SULF1: variants seen among roughly 807,000 people sequenced by gnomAD.
The protein encoded by SULF1 is extracellular sulfatase Sulf-1.
A neutral mutation model predicts 110.5 loss-of-function variants in SULF1; 46 were observed. The ratio of observed to expected loss-of-function variants is 0.42; its 90% CI spans 0.33 to 0.53. The LOEUF is 0.53. SULF1 is among the 20% of genes least tolerant of loss of function. The probability of loss-of-function intolerance (pLI) is 0.12; values close to 1 mark genes in which losing one functional copy is unlikely to be tolerated. For missense variants in SULF1, 941 were observed against 1,094.2 expected (o/e 0.86, Z 1.98); for synonymous variants, 371 against 387.1 (o/e 0.96, Z 0.49).
upstream of SULF1, among the ~76,000 whole-genome samples, chr8:69,488,233 C>T (rs534805259): frequency 1.3e-5 from 2 of 152,226 alleles, no homozygotes; most frequent in African/African-American, 2.4e-5. Context: ...AAAAAAGATC[C>T]GTCTATTACA....
intron 13 of SULF1, among the ~76,000 whole-genome samples, chr8:69,613,162 G>T (rs1018298335): frequency 1.3e-5 from 2 of 151,934 alleles, no homozygotes; most frequent in African/African-American, 4.8e-5. Context: ...ATCAGTTGGT[G>T]GTAAGTATTT....
Position 69,603,660 on chromosome 8 carries a change from ATTAT to A in SULF1, c.1247+6_1247+9del, listed in dbSNP as rs758398918. On this transcript the variant is annotated splice_donor_5th_base_variant and intron_variant, in intron 12 of 22. Coordinates refer to ENST00000402687, the MANE Select transcript of SULF1 (RefSeq NM_001128205.2). ...ATACATTCCTAGTGGAAAGAGGGTAATTATTGGTTCCTGGGGTGCTTCTGGGAAC... is the reference window on the plus strand; with the variant it reads ...ATACATTCCTAGTGGAAAGAGGGTAATGGTTCCTGGGGTGCTTCTGGGAAC... The A allele has an allele frequency of 1.2e-6, 2 of 1,610,948 alleles. No homozygotes were observed. The highest frequency in any genetic ancestry group is 1.7e-6 in the Non-Finnish European group (2 of 1,177,088).
rs148762868 is a variant in SULF1, at chr8:69,521,446, G to A, written c.-134+19478G>A. Among the ~76,000 whole-genome samples, 570 of 152,264 alleles carry A rather than the reference G, an allele frequency of 3.7e-3. 2 individuals are homozygous for A. Among genetic ancestry groups the A allele is most frequent in the African/African-American group, 0.013 (548 of 41,568 alleles). On this transcript the variant is annotated intron_variant, in intron 3 of 22. Transcript: ENST00000402687. The stretch of plus-strand genomic sequence containing the variant: ...TGCAGTGTTAAAGAGGATTTACAAG[G>A]AAAGACTCATTGAGGTGGTAAGATT...
chr8:69,508,874 C>T lies in SULF1; in HGVS notation c.-134+6906C>T, dbSNP rs374491623. Among the ~76,000 whole-genome samples the T allele has an allele frequency of 1.2e-4, 19 of 152,212 alleles. No homozygotes were observed. The South Asian group carries it at 1.5e-3, about 12-fold the overall frequency. On this transcript the variant is annotated intron_variant, in intron 3 of 22. Transcript: ENST00000402687. ...AAGGTTAGCAGCCATTCAGAGCAGT[C>T]GGTGCTGTGCTGGAGGCGTTATAGG... is the stretch of plus-strand genomic sequence containing the variant.
chr8:69,633,725 T>C lies in SULF1; in HGVS notation c.2284+4046T>C, dbSNP rs146576182. On this transcript the variant is annotated intron_variant, in intron 19 of 22. Coordinates refer to ENST00000402687, the MANE Select transcript of SULF1 (RefSeq NM_001128205.2). ...GCATTTGCAGAACGTGCAGTTTTGT[T>C]ACATAGGAATACACGTGCCATGGTG... is the stretch of plus-strand genomic sequence containing the variant. Among the ~76,000 whole-genome samples the C allele has an allele frequency of 1.0e-3, 154 of 152,236 alleles. No individual in the cohort carries two copies. In the East Asian group the frequency reaches 0.013, roughly 13 times the overall value.
intron 15 of SULF1, 81 bp downstream of exon 15, chr8:69,624,278 G>C (rs1809831368): frequency 6.7e-7 from 1 of 1,501,908 alleles, no homozygotes; most frequent in Admixed American, 2.3e-5. Context: ...TTTTGCACTT[G>C]GCAAAAAAGC....
At chr8:69,630,988 T>G (rs976395864) in intron 19 of SULF1, among the ~76,000 whole-genome samples, 12 of 148,608 alleles carry the variant, frequency 8.1e-5, no homozygotes, top group African/African-American at 2.5e-4. Context: ...CCTGCAACAG[T>G]CCCCGGTGTG....
At chr8:69,545,806 C>T (rs980213824) in intron 3 of SULF1, among the ~76,000 whole-genome samples, 2 of 152,186 alleles carry the variant, frequency 1.3e-5, no homozygotes, top group African/African-American at 4.8e-5. Context: ...AAGCAATTCT[C>T]CTGCCGCAGT....
At chr8:69,634,897 T>C (rs541845998) in intron 19 of SULF1, among the ~76,000 whole-genome samples, 1 of 152,272 alleles carries the variant, frequency 6.6e-6, no homozygotes, top group African/African-American at 2.4e-5. Context: ...AACCTCCGCC[T>C]CCCGGGTTCA....
chr8:69,655,894 ACTT>A (rs1367338645), intron 22 of SULF1, among the ~76,000 whole-genome samples: 3 of 152,156 alleles, frequency 2.0e-5, no homozygotes, highest in East Asian at 1.9e-4. Context: ...ATTTTTTCAC[ACTT>A]CTTCTACCTT....
intron 14 of SULF1, 76 bp from the exon 15 acceptor site, chr8:69,623,866 T>C: frequency 2.6e-6 from 4 of 1,530,236 alleles, no homozygotes; most frequent in Non-Finnish European, 3.5e-6. Flanking sequence ...GGATCCCTTC[T>C]GGACCAGGTG....
At chr8:69,490,311 C>T (rs957246819), upstream of SULF1, among the ~76,000 whole-genome samples, 3 of 151,996 alleles carry the variant, frequency 2.0e-5, no homozygotes, top group African/African-American at 7.3e-5. Flanking sequence ...TCATGTTGCC[C>T]ATGCTAGTCT....
intron 1 of SULF1, among the ~76,000 whole-genome samples, chr8:69,479,445 G>T (rs1809429226): frequency 6.6e-6 from 1 of 152,084 alleles, no homozygotes; most frequent in African/African-American, 2.4e-5. Context: ...TAAAAATTTT[G>T]TCTAGGAATG....
At chr8:69,560,897 G>A (rs1472558922) in intron 3 of SULF1, among the ~76,000 whole-genome samples, 7 of 152,190 alleles carry the variant, frequency 4.6e-5, no homozygotes. Context: ...GTGCTGGCCA[G>A]ACTAGTCAAA....
At chr8:69,474,394 C>T (rs1176949924) in intron 1 of SULF1, among the ~76,000 whole-genome samples, 1 of 152,166 alleles carries the variant, frequency 6.6e-6, no homozygotes, top group African/African-American at 2.4e-5. Flanking sequence ...TAAAGTTTCA[C>T]CCTTAACCTT....
intron 5 of SULF1, among the ~76,000 whole-genome samples, chr8:69,569,693 C>G (rs1388660971): frequency 6.6e-6 from 1 of 152,120 alleles, no homozygotes; most frequent in Non-Finnish European, 1.5e-5. Context: ...TCTATGTAGC[C>G]CTGTAGGCAT....
At chr8:69,624,909 CTCCCTAATTGTATCACTTTGAGGAGATG>C (rs1809882779) in intron 15 of SULF1, among the ~76,000 whole-genome samples, 1 of 152,212 alleles carries the variant, frequency 6.6e-6, no homozygotes, top group African/African-American at 2.4e-5. Context: ...TTTGTTTTCT[CTCCCTAATTGTATCACTTTGAGGAGATG>C]GGACACTGTG....
chr8:69,560,324 G>A (rs1815393856), intron 3 of SULF1, among the ~76,000 whole-genome samples: 1 of 141,202 alleles, frequency 7.1e-6, no homozygotes, highest in Admixed American at 7.4e-5. Flanking sequence ...CCAGTTGGCT[G>A]GACATCCTGC....
At chr8:69,585,821 A>G (rs938650463) in intron 6 of SULF1, among the ~76,000 whole-genome samples, 5 of 152,250 alleles carry the variant, frequency 3.3e-5, no homozygotes, top group African/African-American at 1.2e-4. Context: ...ACCATATCCC[A>G]TAAAAATGGA....
Sources: gnomAD v4.1 joint callset for allele counts (sites outside exome capture counted in the v4.1 genomes callset) on GRCh38, gnomAD v4.1.1 for gene constraint, MANE v1.5 for transcripts, NCBI Gene and HGNC (gene_info 2026-07-23, HGNC 2026-07-21) for gene names.